The following KAT6B variants were observed in gnomAD, a reference collection of about 807,000 sequenced individuals.
The protein encoded by KAT6B is lysine acetyltransferase 6B.
KAT6B carries 10 observed loss-of-function variants against 187.5 expected under a neutral mutation model. The observed-to-expected ratio is 0.05, with a 90% confidence interval of 0.03 to 0.09. The LOEUF (loss-of-function observed/expected upper bound fraction) is 0.09, where lower values mean the gene tolerates loss of function less well. Among genes scored for constraint, KAT6B ranks in the 10% least tolerant of loss-of-function variants. The pLI is 1.00. For missense variants in KAT6B, 1,952 were observed against 2,558.9 expected (o/e 0.76, Z 5.12); for synonymous variants, 861 against 926.8 (o/e 0.93, Z 1.29).
In KAT6B at chr10:75,031,605, T is replaced by A; in HGVS notation, c.*559T>A. On this transcript the variant is annotated 3_prime_UTR_variant, in exon 18 of 18. Transcript: ENST00000287239. ...TTTGCCTTGATTAGGGTGCCCTAAT[T>A]TGAGGGTTTTAAAAAAAACTATATT... The A allele has an allele frequency of 4.6e-6, 1 of 216,586 alleles. No individual in the cohort carries two copies. The allele number at this position is 216,586 out of a possible 1,614,324, so 13.4% of individuals were successfully genotyped here.
rs3740322 is a variant in KAT6B at position 75,029,102 on chromosome 10, C to T, written c.4278C>T (p.Ala1426=). The change falls in exon 18 of 18, where the codon GCC becomes GCT. Residue 1426 remains alanine (A), a synonymous_variant. Coordinates refer to ENST00000287239, the MANE Select transcript of KAT6B (RefSeq NM_012330.4). The surrounding 1 kb of genome is among the most constrained non-coding windows in gnomAD (Gnocchi z 6.2). Reference sequence around the variant, plus strand: ...CATCCCACAACGAGGACCATGATGCCGATGACGAGGATGACAGCCACATGG... The same window carrying T: ...CATCCCACAACGAGGACCATGATGCTGATGACGAGGATGACAGCCACATGG... ...EEPSHNEDHD[A]DDEDDSHMES... 28,770 of 1,614,018 alleles carry T rather than the reference C, an allele frequency of 0.018. 685 individuals are homozygous for T. Among genetic ancestry groups the T allele is most frequent in the East Asian group, 0.07 (3,124 of 44,882 alleles).
intron 3 of KAT6B, among the ~76,000 whole-genome samples, chr10:74,956,003 A>G (rs1219860200): frequency 6.6e-6 from 1 of 152,072 alleles, no homozygotes; most frequent in Admixed American, 6.5e-5. Flanking sequence ...GACTCATTGC[A>G]GCCTCAACTT....
At chr10:74,906,862 C>T (rs979761352) in intron 3 of KAT6B, among the ~76,000 whole-genome samples, 2 of 152,314 alleles carry the variant, frequency 1.3e-5, no homozygotes, top group South Asian at 2.1e-4. Flanking sequence ...GTGCCCTCTG[C>T]TCTTGAGGTC....
At chr10:74,957,547 A>G (rs1452037893) in intron 3 of KAT6B, among the ~76,000 whole-genome samples, 2 of 152,224 alleles carry the variant, frequency 1.3e-5, no homozygotes, top group Non-Finnish European at 2.9e-5. Flanking sequence ...TGTCTCTCTC[A>G]CAGCTAAAAA....
In KAT6B at chr10:74,893,471, T is replaced by G. The variant is rs1247760541; in HGVS notation, c.621+49993T>G. 2.6e-5 allele frequency among the ~76,000 whole-genome samples: 4 copies of G among 151,700 alleles called. No individual in the cohort carries two copies. The South Asian group carries it at 8.3e-4, about 32-fold the overall frequency. ...GAAATCAGTGGGTTTTTTTTTTTGT[T>G]TTTTGTTTTTTTTTAAAGACAGAGT... On this transcript the variant is annotated intron_variant, in intron 3 of 17. Transcript: ENST00000287239.
At chr10:74,974,471 CA>C (rs1842034522) in intron 7 of KAT6B, among the ~76,000 whole-genome samples, 1 of 152,156 alleles carries the variant, frequency 6.6e-6, no homozygotes, top group South Asian at 2.1e-4. Flanking sequence ...AATTCATCTG[CA>C]AATGTTTCTC....
chr10:74,999,796 C>T (rs1843704322), intron 13 of KAT6B, among the ~76,000 whole-genome samples: 1 of 152,136 alleles, frequency 6.6e-6, no homozygotes, highest in Non-Finnish European at 1.5e-5. Flanking sequence ...GATTCAGTGC[C>T]CCAGAGAGAA....
At chr10:75,021,427 C>A in intron 15 of KAT6B, 142 bp downstream of exon 15, 1 of 755,780 alleles carries the variant, frequency 1.3e-6, no homozygotes, top group Non-Finnish European at 2.2e-6. Flanking sequence ...TTTATCCTAA[C>A]TGAGGTTGCA....
In KAT6B at chr10:75,029,561, C is replaced by A; in HGVS notation, c.4737C>A (p.Asp1579Glu). 1 of 1,614,126 alleles carries A rather than the reference C, an allele frequency of 6.2e-7. No individual in the cohort carries two copies. The highest frequency in any genetic ancestry group is 8.5e-7 in the Non-Finnish European group (1 of 1,180,024). ...GCCTACAGAACTACACCCGTGCAGACCAAAGTCCACAGATTGCCACCACGC... is the reference window on the plus strand; with the variant it reads ...GCCTACAGAACTACACCCGTGCAGAACAAAGTCCACAGATTGCCACCACGC... ...CRSLQNYTRA[D>E]QSPQIATTLD... The change falls in exon 18 of 18, where the codon GAC (aspartate) becomes GAA (glutamate). Residue 1579 changes from aspartate to glutamate, a missense_variant. Around this residue, in one of 9 missense-constraint regions of KAT6B, gnomAD observed 758 missense variants for 891.4 expected, o/e 0.85. Coordinates refer to ENST00000287239, the MANE Select transcript of KAT6B (RefSeq NM_012330.4). This position sits in a 1 kb window ranked among gnomAD's most constrained non-coding sequence, Gnocchi z 6.2.
At chr10:74,917,317 C>T (rs1847763504) in intron 3 of KAT6B, among the ~76,000 whole-genome samples, 1 of 152,288 alleles carries the variant, frequency 6.6e-6, no homozygotes, top group Non-Finnish European at 1.5e-5. Context: ...AGGAAATTCA[C>T]TGGTATAATA....
chr10:74,941,675 G>T (rs1016136872), intron 3 of KAT6B, among the ~76,000 whole-genome samples: 1 of 151,926 alleles, frequency 6.6e-6, no homozygotes, highest in Non-Finnish European at 1.5e-5. Flanking sequence ...AAAGAAATTC[G>T]GTTCATAATT....
chr10:75,031,031 C>T lies in KAT6B; in HGVS notation c.6207C>T (p.Ser2069=). 6.2e-7 allele frequency: 1 copy of T among 1,614,136 alleles called. No individual in the cohort carries two copies. Among genetic ancestry groups the T allele is most frequent in the Non-Finnish European group, 8.5e-7 (1 of 1,180,008 alleles). The part of the protein sequence containing the change: ...TGMSKQSLNG[S]YMRR Reference sequence around the variant, plus strand: ...TGTCCAAACAGTCTCTCAATGGCTCCTACATGAGAAGGTAGACAACGTGGG... The same window carrying T: ...TGTCCAAACAGTCTCTCAATGGCTCTTACATGAGAAGGTAGACAACGTGGG... The change falls in exon 18 of 18, where the codon TCC becomes TCT. Residue 2069 remains serine, a synonymous_variant. Transcript: ENST00000287239.
At chr10:74,863,731 T>A (rs1843355034) in intron 3 of KAT6B, among the ~76,000 whole-genome samples, 1 of 152,240 alleles carries the variant, frequency 6.6e-6, no homozygotes, top group Admixed American at 6.5e-5. Context: ...TGGCCATTGC[T>A]AAATAACAGT....
chr10:74,876,786 G>A (rs1844444430), intron 3 of KAT6B, among the ~76,000 whole-genome samples: 1 of 151,872 alleles, frequency 6.6e-6, no homozygotes, highest in South Asian at 2.1e-4. Flanking sequence ...GGTGGCGCAT[G>A]CGTGTAGTCT....
chr10:74,827,589 C>T (rs749232768), intron 1 of KAT6B, among the ~76,000 whole-genome samples: 5 of 151,678 alleles, frequency 3.3e-5, no homozygotes, highest in Admixed American at 6.6e-5. Flanking sequence ...GACAGCAGAG[C>T]AAACTTAAAT....
intron 1 of KAT6B, among the ~76,000 whole-genome samples, chr10:74,830,120 G>T (rs1479628921): frequency 6.6e-6 from 1 of 152,058 alleles, no homozygotes; most frequent in Non-Finnish European, 1.5e-5. Flanking sequence ...ATGCGTGGAT[G>T]AGAGAAGTGG....
In KAT6B at chr10:74,976,012, A is replaced by T; in HGVS notation, c.1675A>T (p.Lys559Ter). The T allele has an allele frequency of 6.2e-7, 1 of 1,614,156 alleles. No individual in the cohort carries two copies. The highest frequency in any genetic ancestry group is 8.5e-7 in the Non-Finnish European group (1 of 1,180,020). ...HIYTTQGQSR[K>*]KGHPSYAPPK... ...CTATACCACTCAGGGACAGTCTCGC[A>T]AAAAGGGACACCCGAGTTATGCACC... The change falls in exon 8 of 18, where the codon AAA becomes TAA. Residue 559 changes from lysine (K) to a stop codon, truncating the protein, a stop_gained. Transcript: ENST00000287239. LOFTEE classifies it high-confidence loss of function.
intron 10 of KAT6B, among the ~76,000 whole-genome samples, chr10:74,981,306 T>C (rs201199373): frequency 0.061 from 8,507 of 139,590 alleles, 805 homozygotes; most frequent in African/African-American, 0.19. Flanking sequence ...TTTCTTTCTT[T>C]CTTCCTTCCT....
At chr10:74,937,918 A>G (rs1589663297) in intron 3 of KAT6B, among the ~76,000 whole-genome samples, 1 of 152,160 alleles carries the variant, frequency 6.6e-6, no homozygotes, top group Non-Finnish European at 1.5e-5. Flanking sequence ...GGCTTTCACT[A>G]TAGGGTTTAA....
Sources: gnomAD v4.1 joint callset for allele counts (sites outside exome capture counted in the v4.1 genomes callset) on GRCh38, gnomAD v4.1.1 for gene constraint, gnomAD v4.1.1 regional missense constraint, Gnocchi (gnomAD v3.1) non-coding constraint, MANE v1.5 for transcripts, NCBI Gene and HGNC (gene_info 2026-07-23, HGNC 2026-07-21) for gene names.